NEMF: variants seen among roughly 807,000 people sequenced by gnomAD.
NEMF encodes ribosome quality control complex subunit NEMF.
Under a neutral mutation model 162.2 loss-of-function variants are expected in NEMF, and 89 were observed. The ratio of observed to expected loss-of-function variants is 0.55; its 90% CI spans 0.46 to 0.65. NEMF has a LOEUF of 0.65. NEMF is among the 30% of genes least tolerant of loss of function. The pLI is 0.00. For synonymous variants in NEMF, 421 were observed against 404.5 expected, an observed-to-expected ratio of 1.04 and a Z score of -0.49; for missense variants, 1,133 against 1,261.9, an observed-to-expected ratio of 0.90 and a Z score of 1.55.
rs143023190 is a variant in NEMF, at chr14:49,805,097, T to C, written c.1857+924A>G. Reference sequence around the variant, plus strand: ...ACACTAAATTTCATTCTAAAAAATTTCTTAATGAAAGAATTAAAACCACTT... The same window carrying C: ...ACACTAAATTTCATTCTAAAAAATTCCTTAATGAAAGAATTAAAACCACTT... On this transcript the variant is annotated intron_variant, in intron 19 of 32. Coordinates refer to ENST00000298310, the MANE Select transcript of NEMF (RefSeq NM_004713.6). Among the ~76,000 whole-genome samples, 69 of 152,250 alleles carry C rather than the reference T, an allele frequency of 4.5e-4. No individual in the cohort carries two copies. The Middle Eastern group carries it at 0.017, about 38-fold the overall frequency.
intron 6 of NEMF, among the ~76,000 whole-genome samples, chr14:49,836,676 C>T (rs1892921789): frequency 6.6e-6 from 1 of 151,420 alleles, no homozygotes; most frequent in South Asian, 2.1e-4. Flanking sequence ...ATGCCAAATG[C>T]CAAAACTCTT....
intron 7 of NEMF, 69 bp downstream of exon 7, chr14:49,834,294 C>T (rs1433483668): frequency 1.8e-6 from 2 of 1,093,906 alleles, no homozygotes; most frequent in Non-Finnish European, 1.4e-6. Context: ...TCCCTTATTA[C>T]TTTCCCAGAA....
intron 3 of NEMF, 103 bp downstream of exon 3, chr14:49,851,459 AT>A: frequency 2.6e-6 from 2 of 757,514 alleles, no homozygotes; most frequent in Middle Eastern, 2.8e-4. Context: ...CTTTACCTTC[AT>A]TTTATCTGCA....
At chr14:49,787,504 A>AG (rs1224391889) in intron 28 of NEMF, among the ~76,000 whole-genome samples, 1 of 152,076 alleles carries the variant, frequency 6.6e-6, no homozygotes, top group Non-Finnish European at 1.5e-5. Flanking sequence ...TGGGCAACAC[A>AG]GGGAGACCTC....
At chr14:49,832,681 C>T (rs902013377) in intron 8 of NEMF, among the ~76,000 whole-genome samples, 4 of 152,238 alleles carry the variant, frequency 2.6e-5, no homozygotes, top group Middle Eastern at 6.8e-3. Context: ...CAAAGGTTTA[C>T]TTTCTATGAC....
At chr14:49,830,142 T>C (rs1415370971) in intron 11 of NEMF, among the ~76,000 whole-genome samples, 1 of 152,180 alleles carries the variant, frequency 6.6e-6, no homozygotes, top group Non-Finnish European at 1.5e-5. Context: ...ATTTAAATGC[T>C]AGATGAAATA....
chr14:49,827,816 A>C (rs1892436367), intron 15 of NEMF, among the ~76,000 whole-genome samples: 1 of 151,752 alleles, frequency 6.6e-6, no homozygotes. Context: ...TCCATCGCAA[A>C]AAAAAAAAAG....
intron 6 of NEMF, among the ~76,000 whole-genome samples, chr14:49,836,189 C>G (rs1161888608): frequency 6.6e-6 from 1 of 151,978 alleles, no homozygotes; most frequent in Non-Finnish European, 1.5e-5. Flanking sequence ...TGAGGCAAGA[C>G]AATCACTTGA....
At chr14:49,789,682 G>A (rs1398502191) in intron 26 of NEMF, 109 bp from the exon 27 acceptor site, 2 of 1,406,158 alleles carry the variant, frequency 1.4e-6, no homozygotes, top group African/African-American at 1.4e-5. Flanking sequence ...AATGCTTACT[G>A]AATAAGGCAC....
At chr14:49,815,149 A>G (rs193274593) in intron 16 of NEMF, among the ~76,000 whole-genome samples, 5 of 152,358 alleles carry the variant, frequency 3.3e-5, no homozygotes, top group Admixed American at 2.0e-4. Context: ...GCAAAAGTAT[A>G]AAATGTCATA....
At chr14:49,787,216 G>A (rs1011556107) in intron 28 of NEMF, 3 of 162,956 alleles carry the variant, frequency 1.8e-5, no homozygotes, top group African/African-American at 7.2e-5. Context: ...GTTTGCTTAA[G>A]AAAAATCTAT....
intron 6 of NEMF, 111 bp downstream of exon 6, chr14:49,838,028 T>G: frequency 2.7e-6 from 2 of 752,288 alleles, no homozygotes; most frequent in Non-Finnish European, 4.4e-6. Context: ...TCCTACTTAC[T>G]CCAAGGATCA....
At chr14:49,810,240 C>T (rs1405055877) in intron 18 of NEMF, among the ~76,000 whole-genome samples, 1 of 150,934 alleles carries the variant, frequency 6.6e-6, no homozygotes, top group Non-Finnish European at 1.5e-5. Context: ...TGGTGGAGGG[C>T]GCCTGTAGTC....
Position 49,795,188 on chromosome 14 carries a change from T to C in NEMF, c.2619+603A>G, listed in dbSNP as rs568442960. On this transcript the variant is annotated intron_variant, in intron 26 of 32. Coordinates refer to ENST00000298310, the MANE Select transcript of NEMF (RefSeq NM_004713.6). Reference sequence around the variant, plus strand: ...CATCGTTACAAAAAATAAAAAAATTTAGCTGAGCATGGTGGCATGCACCTG... The same window carrying C: ...CATCGTTACAAAAAATAAAAAAATTCAGCTGAGCATGGTGGCATGCACCTG... Among the ~76,000 whole-genome samples, 11 of 152,074 alleles carry C rather than the reference T, an allele frequency of 7.2e-5. No homozygotes were observed. The East Asian group carries it at 1.9e-3, about 27-fold the overall frequency.
At position 49,799,495 on chromosome 14, in the gene NEMF, A is replaced by C; in HGVS notation, c.2445T>G (p.His815Gln). 1 of 1,611,104 alleles carries C rather than the reference A, an allele frequency of 6.2e-7. No individual in the cohort carries two copies. The highest frequency in any genetic ancestry group is 8.5e-7 in the Non-Finnish European group (1 of 1,179,302). The change falls in exon 25 of 33, where the codon CAT (histidine) becomes CAG (glutamine). Residue 815 changes from histidine to glutamine, a missense_variant. By Grantham distance (24) the His-to-Gln change is conservative (BLOSUM62 0). Around this residue, in one of 3 missense-constraint regions of NEMF, gnomAD observed 532 missense variants for 578.6 expected, o/e 0.92. Transcript: ENST00000298310. Reference protein sequence around the residue: ...SSDSKSQSRRHLSAKERREMK... With the variant: ...SSDSKSQSRRQLSAKERREMK... ...TTTACCTTCTTTCCTTGGCTGACAAATGTCTCCGGCTCTGTGATTTACTGT... is the reference window on the plus strand; with the variant it reads ...TTTACCTTCTTTCCTTGGCTGACAACTGTCTCCGGCTCTGTGATTTACTGT...
chr14:49,811,072 A>G (rs910600076), intron 18 of NEMF, among the ~76,000 whole-genome samples: 1 of 152,238 alleles, frequency 6.6e-6, no homozygotes, highest in Non-Finnish European at 1.5e-5. Context: ...TCAGAACAAT[A>G]TTAAGACTTC....
At chr14:49,823,300 G>T (rs1311278250) in intron 16 of NEMF, among the ~76,000 whole-genome samples, 1 of 151,438 alleles carries the variant, frequency 6.6e-6, no homozygotes, top group Non-Finnish European at 1.5e-5. Context: ...ACAGAGACTT[G>T]CCAAAAAAGA....
intron 4 of NEMF, among the ~76,000 whole-genome samples, chr14:49,844,226 C>T (rs1893357893): frequency 6.6e-6 from 1 of 152,030 alleles, no homozygotes; most frequent in African/African-American, 2.4e-5. Context: ...CCGGATGAAA[C>T]TGTTCCACCT....
intron 5 of NEMF, among the ~76,000 whole-genome samples, chr14:49,839,193 T>C (rs1893070135): frequency 6.6e-6 from 1 of 151,974 alleles, no homozygotes; most frequent in Non-Finnish European, 1.5e-5. Context: ...TTCTCCTGCC[T>C]CAGCCTCCCA....
Sources: gnomAD v4.1 joint callset for allele counts (sites outside exome capture counted in the v4.1 genomes callset) on GRCh38, gnomAD v4.1.1 for gene constraint, gnomAD v4.1.1 regional missense constraint, MANE v1.5 for transcripts, NCBI Gene and HGNC (gene_info 2026-07-23, HGNC 2026-07-21) for gene names.